The following RTEL1 variants were observed in gnomAD, a reference collection of about 807,000 sequenced individuals.
RTEL1 encodes the protein regulator of telomere length.
A neutral mutation model predicts 162.2 loss-of-function variants in RTEL1; 86 were observed. The observed-to-expected ratio is 0.53, with a 90% CI of 0.45 to 0.63. RTEL1 has a LOEUF of 0.63. Among genes scored for constraint, RTEL1 ranks in the 30% least tolerant of loss-of-function variants. The pLI is 0.00. For synonymous variants in RTEL1, 958 were observed against 717.9 expected (o/e 1.33, Z -5.35); for missense variants, 1,941 against 1,750.2 (o/e 1.11, Z -1.95).
intron 30 of RTEL1, 21 bp downstream of exon 30, chr20:63,693,304 G>C (rs766667128): frequency 6.2e-7 from 1 of 1,610,752 alleles, no homozygotes; most frequent in South Asian, 1.1e-5. Flanking sequence ...CCCCAGGTGG[G>C]ACCCTCAGAC....
At chr20:63,662,407 G>A (rs1312805488) in intron 4 of RTEL1, 139 bp from the exon 5 acceptor site, 4 of 1,539,240 alleles carry the variant, frequency 2.6e-6, no homozygotes, top group Non-Finnish European at 2.6e-6. Flanking sequence ...TCCCTCCTAC[G>A]CCCGGGCCAC....
rs537151019 is a variant in RTEL1 at position 63,685,834 on chromosome 20, G to C, written c.1310G>C (p.Arg437Pro). The C allele has an allele frequency of 6.1e-5, 99 of 1,612,544 alleles. No homozygotes were observed. Among genetic ancestry groups the C allele is most frequent in the Non-Finnish European group, 8.1e-5 (95 of 1,179,920 alleles). ...GCTGGTCACCGGAGGACGGCTCAGC[G>C]GTCTGATGCCTGGAGCACCACTGCA... is the stretch of plus-strand genomic sequence containing the variant. ...PDAGHRRTAQRSDAWSTTAAR... is the reference protein window; with the variant it reads ...PDAGHRRTAQPSDAWSTTAAR... Residue 437 changes from arginine (R) to proline (P), a missense_variant, in exon 16 of 35, where the codon CGG becomes CCG. Coordinates refer to ENST00000360203, the MANE Select transcript of RTEL1 (RefSeq NM_001283009.2).
intron 8 of RTEL1, among the ~76,000 whole-genome samples, chr20:63,670,706 A>G (rs960057550): frequency 3.3e-5 from 5 of 152,070 alleles, no homozygotes; most frequent in Admixed American, 1.3e-4. Flanking sequence ...ATATGTGGCC[A>G]GGCTCAGTGG....
intron 10 of RTEL1, among the ~76,000 whole-genome samples, chr20:63,677,247 G>T (rs1180364588): frequency 3.3e-5 from 5 of 152,228 alleles, no homozygotes. Context: ...TGGTTACTGG[G>T]TTGGTCGTTG....
intron 14 of RTEL1, chr20:63,681,647 A>G (rs1461114846): frequency 4.1e-6 from 4 of 985,226 alleles, no homozygotes; most frequent in Non-Finnish European, 4.8e-6. Flanking sequence ...ACAAGCAGGC[A>G]CTGCCTTCTC....
At chr20:63,677,819 C>T (rs111334559) in intron 10 of RTEL1, among the ~76,000 whole-genome samples, 1 of 492 alleles carries the variant, frequency 2.0e-3, no homozygotes, top group African/African-American at 0.018. Flanking sequence ...TTGGCCTGCA[C>T]GGATTCTGTG....
chr20:63,692,617 C>T (rs1376925440), intron 28 of RTEL1, 188 bp from the exon 29 acceptor site: 3 of 617,386 alleles, frequency 4.9e-6, no homozygotes, highest in African/African-American at 1.8e-5. Context: ...CTCAGACGGG[C>T]CCAGCCCCAC....
chr20:63,660,299 C>T (rs1219459485), intron 2 of RTEL1, among the ~76,000 whole-genome samples: 1 of 152,222 alleles, frequency 6.6e-6, no homozygotes, highest in Non-Finnish European at 1.5e-5. Flanking sequence ...TCTTTCCCAT[C>T]CCACGAGGCC....
chr20:63,673,527 C>T (rs968942230), intron 9 of RTEL1, among the ~76,000 whole-genome samples: 26 of 152,150 alleles, frequency 1.7e-4, no homozygotes, highest in African/African-American at 6.0e-4. Flanking sequence ...CAACCTCCAC[C>T]TCCTGGGCTC....
At chr20:63,683,597 C>G (rs775387214) in intron 14 of RTEL1, among the ~76,000 whole-genome samples, 43 of 152,234 alleles carry the variant, frequency 2.8e-4, no homozygotes, top group Non-Finnish European at 5.3e-4. Flanking sequence ...CCGGTGTTCT[C>G]TAGTTCGGCT....
chr20:63,689,239 T>C (rs2090667545), intron 22 of RTEL1, 107 bp downstream of exon 22: 5 of 1,153,888 alleles, frequency 4.3e-6, no homozygotes, highest in Non-Finnish European at 5.0e-6. Context: ...GTCCCCTCCT[T>C]GGGTCCCACG....
intron 30 of RTEL1, 108 bp downstream of exon 30, chr20:63,693,391 C>G (rs1014030716): frequency 1.5e-5 from 21 of 1,375,562 alleles, no homozygotes; most frequent in African/African-American, 8.6e-5. Context: ...TTGGCCCCGC[C>G]TCTCTGTTCC....
chr20:63,679,990 AG>A, intron 13 of RTEL1, 44 bp downstream of exon 13: 2 of 1,422,650 alleles, frequency 1.4e-6, no homozygotes, highest in Non-Finnish European at 9.8e-7. Context: ...AATGTGGCGT[AG>A]GGGGTGCAGC....
At position 63,693,397 on chromosome 20, in the gene RTEL1, G is replaced by C. The variant is rs562726926; in HGVS notation, c.2992+114G>C. ...GGGCCCTGCTTGGCCCCGCCTCTCT[G>C]TTCCCCTATGGGAGTGATGGGGGCC... On this transcript the variant is annotated intron_variant, in intron 30 of 34. Coordinates refer to ENST00000360203, the MANE Select transcript of RTEL1 (RefSeq NM_001283009.2). The C allele has an allele frequency of 1.6e-4, 213 of 1,323,842 alleles. 2 individuals are homozygous for C. In the East Asian group the frequency reaches 4.9e-3, roughly 30 times the overall value. The allele number at this position is 1,323,842 out of a possible 1,614,324, so 82.0% of individuals were successfully genotyped here. A position where few individuals can be genotyped will look rare whatever the true frequency, so the allele number is the denominator to read the frequency against.
intron 28 of RTEL1, chr20:63,692,418 A>G (rs1346069659): frequency 6.4e-6 from 2 of 312,604 alleles, no homozygotes; most frequent in East Asian, 7.6e-5. Context: ...AGAGATGGGC[A>G]CTGCTCATCC....
rs2090700758 is a variant in RTEL1, at chr20:63,690,208, A to G, written c.2263A>G (p.Thr755Ala). ...CCAGTTCTTCCGTGTTGCCGAGCGA[A>G]CTGTGAGTTCCTGCCCAGGGAGGGG... is the stretch of plus-strand genomic sequence containing the variant. ...VAQFFRVAER[T>A]MPAPAPRATA... Residue 755 changes from threonine to alanine, a missense_variant and splice_region_variant, in exon 25 of 35, where the codon ACT becomes GCT. Coordinates refer to ENST00000360203, the MANE Select transcript of RTEL1 (RefSeq NM_001283009.2). 6.2e-7 allele frequency: 1 copy of G among 1,612,236 alleles called. No individual in the cohort carries two copies. Among genetic ancestry groups the G allele is most frequent in the East Asian group, 2.2e-5 (1 of 44,870 alleles).
intron 31 of RTEL1, 49 bp downstream of exon 31, chr20:63,694,537 A>C: frequency 2.1e-6 from 3 of 1,453,218 alleles, no homozygotes; most frequent in African/African-American, 1.4e-5. Flanking sequence ...TGGGTCCCTC[A>C]GTGGCTTCAC....
At chr20:63,690,683 G>A in intron 26 of RTEL1, 122 bp from the exon 27 acceptor site, 2 of 1,170,198 alleles carry the variant, frequency 1.7e-6, no homozygotes, top group East Asian at 2.6e-5. Flanking sequence ...CAATAGCAGG[G>A]AGGACACCCA....
chr20:63,692,814 G>A lies in RTEL1; in HGVS notation c.2662G>A (p.Val888Met), dbSNP rs200505378. ...GGCCTGTGTCCTGCAGGAGGAGCCCGTGGCTGGTGCACAGACGGACAGGGC... is the reference window on the plus strand; with the variant it reads ...GGCCTGTGTCCTGCAGGAGGAGCCCATGGCTGGTGCACAGACGGACAGGGC... Reference protein sequence around the residue: ...IRLVSHPEEPVAGAQTDRAKL... With the variant: ...IRLVSHPEEPMAGAQTDRAKL... The change falls in exon 29 of 35, where the codon GTG (valine) becomes ATG (methionine). Residue 888 changes from valine (V) to methionine (M), a missense_variant. Physicochemically the swap from Val to Met is conservative, Grantham distance 21. Transcript: ENST00000360203. 4.9e-5 allele frequency: 79 copies of A among 1,610,786 alleles called. No homozygotes were observed. Among genetic ancestry groups the A allele is most frequent in the African/African-American group, 2.3e-4 (17 of 75,014 alleles).
Sources: gnomAD v4.1 joint callset for allele counts (sites outside exome capture counted in the v4.1 genomes callset) on GRCh38, gnomAD v4.1.1 for gene constraint, MANE v1.5 for transcripts, NCBI Gene and HGNC (gene_info 2026-07-23, HGNC 2026-07-21) for gene names.